Variants in TIAM1 observed in about 807,000 individuals in gnomAD.
The protein encoded by TIAM1 is TIAM Rac1 associated GEF 1, also known as rho guanine nucleotide exchange factor TIAM1.
In TIAM1, 65 loss-of-function variants were observed where a neutral mutation model predicts 163.5. The ratio of observed to expected loss-of-function variants is 0.40; its 90% CI spans 0.33 to 0.49. TIAM1 has a LOEUF of 0.49. Among genes scored for constraint, TIAM1 ranks in the 20% least tolerant of loss-of-function variants. The pLI is 0.77. For missense variants in TIAM1, 1,789 were observed against 2,044.7 expected (o/e 0.87, Z 2.41); for synonymous variants, 833 against 810.1 (o/e 1.03, Z -0.48).
intron 2 of TIAM1, among the ~76,000 whole-genome samples, chr21:31,401,928 T>A (rs949732716): frequency 3.2e-4 from 48 of 148,320 alleles, no homozygotes; most frequent in African/African-American, 6.2e-4. Flanking sequence ...AAAAAAAAAA[T>A]TGGAGCCCGG....
intron 2 of TIAM1, among the ~76,000 whole-genome samples, chr21:31,295,536 G>A (rs533553350): frequency 6.6e-6 from 1 of 151,726 alleles, no homozygotes; most frequent in East Asian, 1.9e-4. Flanking sequence ...CATGAGATGG[G>A]GACCCCAAAA....
chr21:31,299,749 T>C (rs969513447), intron 2 of TIAM1, among the ~76,000 whole-genome samples: 1 of 152,142 alleles, frequency 6.6e-6, no homozygotes, highest in African/African-American at 2.4e-5. Context: ...CTCTGCTGCT[T>C]GAGGCCCAAA....
intron 2 of TIAM1, among the ~76,000 whole-genome samples, chr21:31,442,226 T>C: frequency 7.1e-6 from 1 of 140,008 alleles, no homozygotes; most frequent in Non-Finnish European, 1.6e-5. Flanking sequence ...ACGTCAGGAG[T>C]AGGGAGTTTT....
At chr21:31,531,397 CTG>C (rs2047965686) in intron 1 of TIAM1, among the ~76,000 whole-genome samples, 2 of 151,968 alleles carry the variant, frequency 1.3e-5, no homozygotes, top group South Asian at 4.2e-4. Context: ...TGAGAGGAGA[CTG>C]TATGGAAGGA....
intron 2 of TIAM1, among the ~76,000 whole-genome samples, chr21:31,429,262 G>C (rs755107815): frequency 6.6e-6 from 1 of 152,082 alleles, no homozygotes; most frequent in African/African-American, 2.4e-5. Context: ...TTGGCCTCCC[G>C]AAGTGTTGGG....
intron 13 of TIAM1, among the ~76,000 whole-genome samples, chr21:31,194,389 C>G (rs570010243): frequency 1.3e-3 from 193 of 152,270 alleles, no homozygotes; most frequent in African/African-American, 4.4e-3. Flanking sequence ...GTTCCTTTAA[C>G]ATTATTTGTA....
chr21:31,261,720 AG>A (rs2072487065), intron 4 of TIAM1, among the ~76,000 whole-genome samples: 1 of 151,898 alleles, frequency 6.6e-6, no homozygotes, highest in African/African-American at 2.4e-5. Flanking sequence ...CTCAAAAAAA[AG>A]AATACCTGGG....
intron 2 of TIAM1, among the ~76,000 whole-genome samples, chr21:31,448,476 C>A (rs111869844): frequency 5.9e-5 from 9 of 151,892 alleles, no homozygotes; most frequent in African/African-American, 2.2e-4. Flanking sequence ...CGTGGTAATG[C>A]GTGCCTGTAG....
chr21:31,273,741 A>G (rs2073169476), intron 3 of TIAM1, among the ~76,000 whole-genome samples: 1 of 152,246 alleles, frequency 6.6e-6, no homozygotes, highest in South Asian at 2.1e-4. Context: ...TCTCAGGGGT[A>G]AGTACAATCA....
At position 31,475,025 on chromosome 21, in the gene TIAM1, T is replaced by TTTATTATTATTATTATTATTA. The variant is rs550390061; in HGVS notation, c.-421-11011_-421-10991dup. Among the ~76,000 whole-genome samples, 255 of 118,682 alleles carry TTTATTATTATTATTATTATTA rather than the reference T, an allele frequency of 2.1e-3. 3 individuals carry two copies. In the East Asian group the frequency reaches 0.022, roughly 10 times the overall value. 77.9% of individuals were successfully genotyped at this position (118,682 alleles called of 152,430 possible). A position where few individuals can be genotyped will look rare whatever the true frequency, so the allele number is the denominator to read the frequency against. ...CATATAAGTTGCTGTGAGCTAGTTT[T>TTTATTATTATTATTATTATTA]TTATTATTATTATTATTATTATTAT... On this transcript the variant is annotated intron_variant, in intron 1 of 28. Coordinates refer to the TIAM1 transcript ENST00000286827.
rs533319114 is a variant in TIAM1 at position 31,357,666 on chromosome 21, G to T, written c.-368-18244C>A. On this transcript the variant is annotated intron_variant, in intron 2 of 28. Transcript: ENST00000286827. ...AATATTAAAAGAGGCATCTGTATTT[G>T]CCATGTTCCCTTATTTTCCCCATTC... is the stretch of plus-strand genomic sequence containing the variant. Among the ~76,000 whole-genome samples the T allele has an allele frequency of 5.3e-5, 8 of 152,226 alleles. No homozygotes were observed. In the South Asian group the frequency reaches 1.0e-3, roughly 20 times the overall value.
chr21:31,265,201 C>CTTTTTTTTTTTT (rs781091105), intron 4 of TIAM1, among the ~76,000 whole-genome samples: 2 of 109,990 alleles, frequency 1.8e-5, no homozygotes, highest in Non-Finnish European at 1.8e-5. Flanking sequence ...CTTTCAAAAT[C>CTTTTTTTTTTTT]TTTTTTTTTT....
intron 2 of TIAM1, among the ~76,000 whole-genome samples, chr21:31,438,692 TTAAGA>T (rs2044309707): frequency 6.6e-6 from 1 of 152,186 alleles, no homozygotes; most frequent in African/African-American, 2.4e-5. Flanking sequence ...CAACTACCTG[TTAAGA>T]AACCCTCCAA....
rs2081895733 is a variant in TIAM1 at position 31,118,747 on chromosome 21, T to C, written c.*1621A>G. The C allele has an allele frequency of 5.0e-6, 2 of 403,218 alleles. No homozygotes were observed. The highest frequency in any genetic ancestry group is 1.0e-5 in the Non-Finnish European group (2 of 198,020). 25.0% of individuals were successfully genotyped at this position (403,218 alleles called of 1,614,324 possible). ...GTATAGAAACCATTCTAAAGCTTTT[T>C]CAGAAAACCAGAAGATATAGCAAAA... On this transcript the variant is annotated 3_prime_UTR_variant, in exon 28 of 28. Transcript: ENST00000541036.
chr21:31,272,020 T>C (rs933087992), intron 3 of TIAM1, among the ~76,000 whole-genome samples: 4 of 152,304 alleles, frequency 2.6e-5, no homozygotes, highest in Middle Eastern at 3.4e-3. Context: ...CATAAACCCA[T>C]TGTAAGGTGA....
intron 22 of TIAM1, among the ~76,000 whole-genome samples, chr21:31,140,344 C>G (rs1002903603): frequency 6.6e-6 from 1 of 152,136 alleles, no homozygotes. Flanking sequence ...AAAACTGAGT[C>G]TAATCTCTAG....
intron 12 of TIAM1, among the ~76,000 whole-genome samples, chr21:31,202,555 G>A (rs2086257162): frequency 6.6e-6 from 1 of 152,168 alleles, no homozygotes; most frequent in African/African-American, 2.4e-5. Flanking sequence ...CGGTGACAGA[G>A]TGAGATCCTG....
chr21:31,323,434 G>A (rs182315353), intron 2 of TIAM1, among the ~76,000 whole-genome samples: 17 of 152,288 alleles, frequency 1.1e-4, no homozygotes, highest in East Asian at 9.6e-4. Context: ...TAGGCCAGGC[G>A]CAGTGGCTCA....
intron 9 of TIAM1, among the ~76,000 whole-genome samples, chr21:31,215,152 T>C (rs2087110485): frequency 1.3e-5 from 2 of 151,948 alleles, no homozygotes; most frequent in Admixed American, 1.3e-4. Flanking sequence ...GGCGGTAACA[T>C]AACCTGGTGC....
Sources: gnomAD v4.1 joint callset for allele counts (sites outside exome capture counted in the v4.1 genomes callset) on GRCh38, gnomAD v4.1.1 for gene constraint, MANE v1.5 for transcripts, NCBI Gene and HGNC (gene_info 2026-07-23, HGNC 2026-07-21) for gene names.